Variants in TBC1D2 observed in about 807,000 individuals in gnomAD.
The protein encoded by TBC1D2 is TBC1 domain family member 2, also known as TBC1 domain family member 2A.
Under a neutral mutation model 91.1 loss-of-function variants are expected in TBC1D2, and 58 were observed. The ratio of observed to expected loss-of-function variants is 0.64; its 90% CI spans 0.52 to 0.79. The LOEUF (loss-of-function observed/expected upper bound fraction) is 0.79, where lower values mean the gene tolerates loss of function less well. Ranked by LOEUF, TBC1D2 falls within the 30% of genes least tolerant of loss-of-function variation. The pLI is 0.00. For missense variants in TBC1D2, 1,080 were observed against 1,208.3 expected (o/e 0.89, Z 1.57); for synonymous variants, 482 against 511.5 (o/e 0.94, Z 0.78).
intron 5 of TBC1D2, among the ~76,000 whole-genome samples, chr9:98,223,331 G>A (rs1180069286): frequency 2.6e-5 from 4 of 152,224 alleles, no homozygotes; most frequent in Non-Finnish European, 5.9e-5. Context: ...CTGGAGGAAG[G>A]AAAGAGCTAC....
chr9:98,218,901 C>G (rs990678322), intron 6 of TBC1D2, among the ~76,000 whole-genome samples: 8 of 152,160 alleles, frequency 5.3e-5, no homozygotes, highest in African/African-American at 1.9e-4. Context: ...TGGATTCCGG[C>G]AGTATGGGTG....
chr9:98,228,570 C>T lies in TBC1D2; in HGVS notation c.978+382G>A, dbSNP rs535266404. Among the ~76,000 whole-genome samples, 28 of 152,296 alleles carry T rather than the reference C, an allele frequency of 1.8e-4. No individual in the cohort carries two copies. The highest frequency in any genetic ancestry group is 2.2e-4 in the Non-Finnish European group (15 of 68,034). On this transcript the variant is annotated intron_variant, in intron 5 of 12. Coordinates refer to ENST00000465784, the MANE Select transcript of TBC1D2 (RefSeq NM_001267571.2). This position sits in a 1 kb window ranked among gnomAD's most constrained non-coding sequence, Gnocchi z 4.0. ...CATTCAGATATCTGTGCCCAGATAT[C>T]GGCTGCCAGGTCAAAGTTCCCCCCA...
chr9:98,220,602 T>C (rs927714607), intron 6 of TBC1D2, among the ~76,000 whole-genome samples: 2 of 152,198 alleles, frequency 1.3e-5, no homozygotes, highest in Admixed American at 6.5e-5. Flanking sequence ...CCAGGGCTAC[T>C]GGTTAATGGG....
chr9:98,226,916 C>A (rs1380388666), intron 5 of TBC1D2, among the ~76,000 whole-genome samples: 1 of 152,228 alleles, frequency 6.6e-6, no homozygotes, highest in East Asian at 1.9e-4. Context: ...AGATGCAGAG[C>A]AATCAGGGGC....
intron 9 of TBC1D2, among the ~76,000 whole-genome samples, chr9:98,205,529 A>G (rs1460586063): frequency 6.6e-6 from 1 of 152,186 alleles, no homozygotes; most frequent in African/African-American, 2.4e-5. Flanking sequence ...TCATCTTGAG[A>G]CATCAAACAT....
intron 5 of TBC1D2, among the ~76,000 whole-genome samples, chr9:98,226,707 G>T (rs1829240627): frequency 6.6e-6 from 1 of 152,154 alleles, no homozygotes; most frequent in South Asian, 2.1e-4. Flanking sequence ...TTCTCCTTTT[G>T]ACCCTCTGTC....
intron 9 of TBC1D2, among the ~76,000 whole-genome samples, chr9:98,203,771 T>C (rs1288442259): frequency 6.6e-6 from 1 of 152,122 alleles, no homozygotes; most frequent in Non-Finnish European, 1.5e-5. Flanking sequence ...ACAGAGCTCA[T>C]TCAGTGCCCC....
intron 1 of TBC1D2, among the ~76,000 whole-genome samples, chr9:98,252,860 G>A (rs1829900379): frequency 6.6e-6 from 1 of 152,150 alleles, no homozygotes; most frequent in African/African-American, 2.4e-5. Flanking sequence ...GGGCTACATG[G>A]CAACAGAGGC....
In TBC1D2 at chr9:98,255,302, G is replaced by T. The variant is rs1829951275; in HGVS notation, c.240C>A (p.Tyr80Ter). Residue 80 changes from tyrosine (Y) to a stop codon, truncating the protein, a stop_gained, in exon 1 of 13, where the codon TAC (tyrosine) becomes TAA (stop). Coordinates refer to ENST00000465784, the MANE Select transcript of TBC1D2 (RefSeq NM_001267571.2). LOFTEE classifies it high-confidence loss of function. ...FYDERKCQLY[Y>*]SRTAQDANPL... ...GATTGGCATCCTGAGCGGTCCGCGAGTAATACAGCTGACATTTCCTTTCGT... is the reference window on the plus strand; with the variant it reads ...GATTGGCATCCTGAGCGGTCCGCGATTAATACAGCTGACATTTCCTTTCGT... The T allele has an allele frequency of 6.2e-7, 1 of 1,614,260 alleles. No individual in the cohort carries two copies. The highest frequency in any genetic ancestry group is 8.5e-7 in the Non-Finnish European group (1 of 1,180,050).
At chr9:98,238,849 A>T (rs1012500559) in intron 3 of TBC1D2, among the ~76,000 whole-genome samples, 1 of 147,034 alleles carries the variant, frequency 6.8e-6, no homozygotes, top group Admixed American at 6.6e-5. Context: ...CAGCCTCCCA[A>T]GTAGCTGGGA....
intron 1 of TBC1D2, among the ~76,000 whole-genome samples, chr9:98,254,041 G>T (rs1829924603): frequency 6.6e-6 from 1 of 152,208 alleles, no homozygotes; most frequent in Admixed American, 6.5e-5. Flanking sequence ...CCTGGCCAGG[G>T]ATTCCTGAGT....
Position 98,201,488 on chromosome 9 carries a change from C to G in TBC1D2, c.2448G>C (p.Glu816Asp). 6.2e-7 allele frequency: 1 copy of G among 1,613,816 alleles called. No homozygotes were observed. Among genetic ancestry groups the G allele is most frequent in the Non-Finnish European group, 8.5e-7 (1 of 1,179,784 alleles). ...CCTGGCTGCACCCTACCTTCGTCCC[C>G]TCGTACAGGAAGGCATCCCAGACCC... ...LLRVWDAFLY[E>D]GTKVVFRYAL... The change falls in exon 11 of 13, where the codon GAG (glutamate) becomes GAC (aspartate). Residue 816 changes from glutamate (E) to aspartate (D), a missense_variant. Coordinates refer to ENST00000465784, the MANE Select transcript of TBC1D2 (RefSeq NM_001267571.2).
rs1342716062 is a variant in TBC1D2 at position 98,213,149 on chromosome 9, A to G, written c.1444T>C (p.Trp482Arg). ...TTCTCCTTCTCAGCCACCTTTCTCCAGATCTTTGTGACCTGGTGGATCTCG... is the reference window on the plus strand; with the variant it reads ...TTCTCCTTCTCAGCCACCTTTCTCCGGATCTTTGTGACCTGGTGGATCTCG... ...NSEIHQVTKI[W>R]RKVAEKEKAL... Residue 482 changes from tryptophan (W) to arginine (R), a missense_variant, in exon 7 of 13, where the codon TGG (tryptophan) becomes CGG (arginine). Coordinates refer to ENST00000465784, the MANE Select transcript of TBC1D2 (RefSeq NM_001267571.2). 1.2e-6 allele frequency: 2 copies of G among 1,614,130 alleles called. No individual in the cohort carries two copies. The highest frequency in any genetic ancestry group is 3.3e-5 in the Admixed American group (2 of 60,002).
chr9:98,209,743 TTTCCTTCCTTCCTTTCCTTCCTTCC>T (rs2079334886), intron 8 of TBC1D2, among the ~76,000 whole-genome samples: 2 of 120,292 alleles, frequency 1.7e-5, no homozygotes, highest in Admixed American at 8.2e-5. Flanking sequence ...CCTTCTTTCC[TTTCCTTCCTTCCTTTCCTTCCTTCC>T]TTCCTTCCTT....
chr9:98,222,890 C>T (rs1329298611), intron 5 of TBC1D2, among the ~76,000 whole-genome samples: 1 of 152,252 alleles, frequency 6.6e-6, no homozygotes, highest in African/African-American at 2.4e-5. Flanking sequence ...GACAAGACCA[C>T]ATTAGCCTGC....
At chr9:98,211,800 C>CTT (rs112631510) in intron 7 of TBC1D2, among the ~76,000 whole-genome samples, 61 of 144,316 alleles carry the variant, frequency 4.2e-4, no homozygotes, top group East Asian at 1.2e-3. Context: ...TCAGGGATTC[C>CTT]TTTTTTTTTT....
intron 5 of TBC1D2, among the ~76,000 whole-genome samples, chr9:98,223,602 AG>A (rs1036267942): frequency 3.3e-5 from 5 of 151,950 alleles, no homozygotes; most frequent in African/African-American, 1.2e-4. Context: ...GACTTGCCCT[AG>A]GAGCAGGACC....
Position 98,228,878 on chromosome 9 carries a change from C to G in TBC1D2, c.978+74G>C. Reference sequence around the variant, plus strand: ...GCCCAGCACGGCTAATGCGTCCCATCTAGCTTATCCGAAAGGCTCCAGGAA... The same window carrying G: ...GCCCAGCACGGCTAATGCGTCCCATGTAGCTTATCCGAAAGGCTCCAGGAA... On this transcript the variant is annotated intron_variant, in intron 5 of 12. Transcript: ENST00000465784. The surrounding 1 kb of genome is among the most constrained non-coding windows in gnomAD (Gnocchi z 4.0). 1.4e-6 allele frequency: 2 copies of G among 1,467,260 alleles called. No homozygotes were observed. The highest frequency in any genetic ancestry group is 3.8e-5 in the Admixed American group (2 of 52,208). The allele number at this position is 1,467,260 out of a possible 1,614,324, so 90.9% of individuals were successfully genotyped here. A position where few individuals can be genotyped will look rare whatever the true frequency, so the allele number is the denominator to read the frequency against.
At chr9:98,252,755 A>T (rs566889329) in intron 1 of TBC1D2, among the ~76,000 whole-genome samples, 2 of 152,224 alleles carry the variant, frequency 1.3e-5, no homozygotes, top group African/African-American at 4.8e-5. Flanking sequence ...GCCTGAGATC[A>T]GCTGAGGTGG....
Sources: gnomAD v4.1 joint callset for allele counts (sites outside exome capture counted in the v4.1 genomes callset) on GRCh38, gnomAD v4.1.1 for gene constraint, Gnocchi (gnomAD v3.1) non-coding constraint, MANE v1.5 for transcripts, NCBI Gene and HGNC (gene_info 2026-07-23, HGNC 2026-07-21) for gene names.